Variants in HS3ST3A1 observed in about 807,000 individuals in gnomAD.
HS3ST3A1 encodes the protein heparan sulfate-glucosamine 3-sulfotransferase 3A1.
Under a neutral mutation model 25.7 loss-of-function variants are expected in HS3ST3A1, and 19 were observed. The observed-to-expected ratio is 0.74, with a 90% CI of 0.52 to 1.08. HS3ST3A1 has a LOEUF of 1.08. Among genes scored for constraint, HS3ST3A1 ranks in the 50% least tolerant of loss-of-function variants. The pLI is 0.00. For synonymous variants in HS3ST3A1, 226 were observed against 278.6 expected, an observed-to-expected ratio of 0.81 and a Z score of 1.88; for missense variants, 459 against 594.3, an observed-to-expected ratio of 0.77 and a Z score of 2.37.
intron 1 of HS3ST3A1, among the ~76,000 whole-genome samples, chr17:13,591,048 CTTTT>C (rs552742240): frequency 1.5e-5 from 2 of 136,656 alleles, no homozygotes; most frequent in Admixed American, 7.3e-5. Flanking sequence ...TTTTTCTTTT[CTTTT>C]TTTTTTTTTT....
At chr17:13,549,534 G>A (rs563681943) in intron 1 of HS3ST3A1, among the ~76,000 whole-genome samples, 3 of 152,070 alleles carry the variant, frequency 2.0e-5, no homozygotes, top group African/African-American at 7.2e-5. Flanking sequence ...GCATTCCTTT[G>A]TTCCACCGCT....
chr17:13,517,884 T>C (rs1906105448), intron 1 of HS3ST3A1, among the ~76,000 whole-genome samples: 1 of 152,178 alleles, frequency 6.6e-6, no homozygotes, highest in Non-Finnish European at 1.5e-5. Context: ...CCTCAGGTGA[T>C]CCATTGGCCT....
chr17:13,534,721 C>A (rs934662306), intron 1 of HS3ST3A1, among the ~76,000 whole-genome samples: 7 of 151,944 alleles, frequency 4.6e-5, no homozygotes, highest in African/African-American at 1.7e-4. Flanking sequence ...AGAGTGACAC[C>A]CTGTCTCAAA....
rs562988287 is a variant in HS3ST3A1 at position 13,525,731 on chromosome 17, C to A, written c.600-28913G>T. On this transcript the variant is annotated intron_variant, in intron 1 of 1. Coordinates refer to ENST00000284110, the MANE Select transcript of HS3ST3A1 (RefSeq NM_006042.3). Reference sequence around the variant, plus strand: ...ACTGAGTTTTATGTTTGATCATGTTCCTTCCTGCTGACCTTACAGGGCACC... The same window carrying A: ...ACTGAGTTTTATGTTTGATCATGTTACTTCCTGCTGACCTTACAGGGCACC... Among the ~76,000 whole-genome samples, 48 of 152,228 alleles carry A rather than the reference C, an allele frequency of 3.2e-4. No homozygotes were observed. In the South Asian group the frequency reaches 9.5e-3, roughly 30 times the overall value.
Position 13,546,425 on chromosome 17 carries a change from G to A in HS3ST3A1, c.600-49607C>T, listed in dbSNP as rs578173757. Among the ~76,000 whole-genome samples, 13 of 152,140 alleles carry A rather than the reference G, an allele frequency of 8.5e-5. No individual in the cohort carries two copies. In the South Asian group the frequency reaches 1.5e-3, roughly 17 times the overall value. On this transcript the variant is annotated intron_variant, in intron 1 of 1. Transcript: ENST00000284110. ...AAATTACAAGTGCGTGTGCCACTACGCCCAGGTAATTTTTGTATTTTTAGT... is the reference window on the plus strand; with the variant it reads ...AAATTACAAGTGCGTGTGCCACTACACCCAGGTAATTTTTGTATTTTTAGT...
intron 1 of HS3ST3A1, among the ~76,000 whole-genome samples, chr17:13,509,320 GAAAC>G (rs1029086286): frequency 2.0e-5 from 3 of 152,030 alleles, no homozygotes; most frequent in Non-Finnish European, 4.4e-5. Flanking sequence ...GTAACCCTGG[GAAAC>G]AAACAAACTC....
intron 1 of HS3ST3A1, among the ~76,000 whole-genome samples, chr17:13,595,245 C>A (rs1221375461): frequency 1.3e-5 from 2 of 152,284 alleles, no homozygotes; most frequent in Non-Finnish European, 2.9e-5. Context: ...ATCACGAAGG[C>A]AAGAAACTGG....
chr17:13,517,888 T>C (rs140777734), intron 1 of HS3ST3A1, among the ~76,000 whole-genome samples: 1,764 of 152,242 alleles, frequency 0.012, 46 homozygotes, highest in African/African-American at 0.04. Flanking sequence ...AGGTGATCCA[T>C]TGGCCTCGGC....
intron 1 of HS3ST3A1, among the ~76,000 whole-genome samples, chr17:13,504,256 G>A (rs1008994666): frequency 1.3e-5 from 2 of 152,090 alleles, no homozygotes; most frequent in South Asian, 2.1e-4. Context: ...AGTGGAGGTC[G>A]CAGTGAGCTG....
chr17:13,528,017 C>A (rs1906489345), intron 1 of HS3ST3A1, among the ~76,000 whole-genome samples: 1 of 152,096 alleles, frequency 6.6e-6, no homozygotes, highest in Admixed American at 6.5e-5. Context: ...TAAGCAGTGC[C>A]TCCTGGGGTG....
chr17:13,586,593 C>A (rs929192077), intron 1 of HS3ST3A1, among the ~76,000 whole-genome samples: 23 of 151,684 alleles, frequency 1.5e-4, no homozygotes, highest in Non-Finnish European at 1.5e-5. Flanking sequence ...TTAGGCCGGG[C>A]GCGGTGGCTC....
chr17:13,546,170 CT>C, intron 1 of HS3ST3A1, among the ~76,000 whole-genome samples: 1 of 152,284 alleles, frequency 6.6e-6, no homozygotes, highest in South Asian at 2.1e-4. Flanking sequence ...GCACTTTCAT[CT>C]TATCTAGTCC....
chr17:13,526,374 G>A (rs957906037), intron 1 of HS3ST3A1, among the ~76,000 whole-genome samples: 1 of 149,708 alleles, frequency 6.7e-6, no homozygotes, highest in African/African-American at 2.5e-5. Context: ...TTTCCTTCTT[G>A]CTACTATTTC....
At chr17:13,580,511 C>T (rs1454212238) in intron 1 of HS3ST3A1, among the ~76,000 whole-genome samples, 2 of 152,026 alleles carry the variant, frequency 1.3e-5, no homozygotes, top group African/African-American at 4.8e-5. Context: ...CAATTAAAAA[C>T]AAGTTAATAA....
chr17:13,574,305 TTG>T (rs1276434495), intron 1 of HS3ST3A1, among the ~76,000 whole-genome samples: 1 of 151,752 alleles, frequency 6.6e-6, no homozygotes, highest in Admixed American at 6.5e-5. Flanking sequence ...GGCTAATTTT[TTG>T]TGTTTTTAGT....
intron 1 of HS3ST3A1, among the ~76,000 whole-genome samples, chr17:13,564,008 C>A (rs992192817): frequency 6.6e-6 from 1 of 152,116 alleles, no homozygotes; most frequent in Non-Finnish European, 1.5e-5. Flanking sequence ...AACATTTGGA[C>A]TCGTCTTGTG....
intron 1 of HS3ST3A1, among the ~76,000 whole-genome samples, chr17:13,532,131 A>C (rs1906623202): frequency 6.6e-6 from 1 of 152,198 alleles, no homozygotes; most frequent in African/African-American, 2.4e-5. Flanking sequence ...GCGTACTTTA[A>C]GGGGAGAAGC....
chr17:13,524,808 TG>T (rs1425325052), intron 1 of HS3ST3A1, among the ~76,000 whole-genome samples: 1 of 152,170 alleles, frequency 6.6e-6, no homozygotes, highest in African/African-American at 2.4e-5. Flanking sequence ...AATCTATAAT[TG>T]TTTCCAAATA....
At chr17:13,572,303 A>G (rs866049260) in intron 1 of HS3ST3A1, among the ~76,000 whole-genome samples, 20 of 152,308 alleles carry the variant, frequency 1.3e-4, no homozygotes, top group South Asian at 6.2e-4. Context: ...ACTTATCCCA[A>G]ATCAAGTCAT....
Sources: gnomAD v4.1 joint callset for allele counts (sites outside exome capture counted in the v4.1 genomes callset) on GRCh38, gnomAD v4.1.1 for gene constraint, MANE v1.5 for transcripts, NCBI Gene and HGNC (gene_info 2026-07-23, HGNC 2026-07-21) for gene names.